Variants in PIP4K2A observed in about 807,000 individuals in gnomAD.
PIP4K2A encodes the protein phosphatidylinositol-5-phosphate 4-kinase type 2 alpha.
PIP4K2A carries 14 observed loss-of-function variants against 42.9 expected under a neutral mutation model. The ratio of observed to expected loss-of-function variants is 0.33; its 90% CI spans 0.22 to 0.51. The LOEUF (loss-of-function observed/expected upper bound fraction) is 0.51, where lower values mean the gene tolerates loss of function less well. Among genes scored for constraint, PIP4K2A ranks in the 20% least tolerant of loss-of-function variants. The pLI, the probability that PIP4K2A is intolerant of heterozygous loss-of-function variation, is 0.97. For missense variants in PIP4K2A, 434 were observed against 519.8 expected (o/e 0.83, Z 1.61); for synonymous variants, 192 against 192.2 (o/e 1.00, Z 0.01).
At chr10:22,559,161 C>T (rs1478480152) in intron 6 of PIP4K2A, among the ~76,000 whole-genome samples, 1 of 152,142 alleles carries the variant, frequency 6.6e-6, no homozygotes, top group Non-Finnish European at 1.5e-5. Context: ...TTTGCTAACT[C>T]CTCTAGATCT....
intron 1 of PIP4K2A, among the ~76,000 whole-genome samples, chr10:22,707,043 G>A (rs1361380668): frequency 6.6e-6 from 1 of 152,076 alleles, no homozygotes. Flanking sequence ...AGCACTTTGG[G>A]AGGCTGAGGT....
intron 1 of PIP4K2A, among the ~76,000 whole-genome samples, chr10:22,632,333 C>T (rs1027061638): frequency 6.6e-6 from 1 of 152,080 alleles, no homozygotes. Flanking sequence ...GGGTGAAGGC[C>T]ATATGGGAGT....
chr10:22,617,025 T>C (rs1838190342), intron 1 of PIP4K2A, among the ~76,000 whole-genome samples: 1 of 152,190 alleles, frequency 6.6e-6, no homozygotes, highest in African/African-American at 2.4e-5. Flanking sequence ...CAAAACACAG[T>C]AACATTTATG....
chr10:22,547,669 A>T (rs1836290961), intron 7 of PIP4K2A, among the ~76,000 whole-genome samples: 1 of 152,356 alleles, frequency 6.6e-6, no homozygotes, highest in African/African-American at 2.4e-5. Context: ...TGGATGCCAC[A>T]GAGGGAGAAC....
intron 4 of PIP4K2A, among the ~76,000 whole-genome samples, chr10:22,590,282 G>C (rs1837482221): frequency 6.6e-6 from 1 of 152,228 alleles, no homozygotes; most frequent in African/African-American, 2.4e-5. Flanking sequence ...GCAACAATGT[G>C]TGTATGTGTT....
intron 1 of PIP4K2A, among the ~76,000 whole-genome samples, chr10:22,690,495 A>G (rs1034107213): frequency 6.6e-6 from 1 of 152,236 alleles, no homozygotes; most frequent in Non-Finnish European, 1.5e-5. Context: ...GAAATACTAA[A>G]TAAAATTTTG....
At chr10:22,641,360 C>G (rs1838779787) in intron 1 of PIP4K2A, among the ~76,000 whole-genome samples, 1 of 152,238 alleles carries the variant, frequency 6.6e-6, no homozygotes, top group African/African-American at 2.4e-5. Flanking sequence ...TCTACATTAA[C>G]ACGCTGACAT....
intron 6 of PIP4K2A, among the ~76,000 whole-genome samples, chr10:22,557,091 G>T (rs918974228): frequency 2.6e-5 from 4 of 152,178 alleles, no homozygotes; most frequent in Non-Finnish European, 5.9e-5. Context: ...ACGCCCTAGG[G>T]TTCAATACAA....
chr10:22,653,597 T>C (rs540593502), intron 1 of PIP4K2A, among the ~76,000 whole-genome samples: 2 of 152,328 alleles, frequency 1.3e-5, no homozygotes, highest in Admixed American at 6.5e-5. Context: ...AATTGCTCAG[T>C]CCATCCTACG....
intron 1 of PIP4K2A, among the ~76,000 whole-genome samples, chr10:22,624,623 CCAAATT>C (rs1838397382): frequency 1.3e-5 from 2 of 152,068 alleles, no homozygotes; most frequent in African/African-American, 4.8e-5. Context: ...AACATGTGTT[CCAAATT>C]CATGGACCTT....
intron 1 of PIP4K2A, among the ~76,000 whole-genome samples, chr10:22,686,059 C>G (rs142834672): frequency 6.6e-6 from 1 of 152,312 alleles, no homozygotes; most frequent in East Asian, 1.9e-4. Context: ...AAGATTGCTG[C>G]AAACTTCCGA....
intron 1 of PIP4K2A, among the ~76,000 whole-genome samples, chr10:22,679,974 T>C (rs1307940896): frequency 6.6e-6 from 1 of 152,034 alleles, no homozygotes; most frequent in African/African-American, 2.4e-5. Flanking sequence ...AAATAGTATA[T>C]AAAAATATAT....
At chr10:22,607,396 G>A (rs1206302598) in intron 3 of PIP4K2A, among the ~76,000 whole-genome samples, 1 of 152,206 alleles carries the variant, frequency 6.6e-6, no homozygotes, top group African/African-American at 2.4e-5. Flanking sequence ...AGGATGTTGG[G>A]TTCCTGGTGC....
chr10:22,664,064 T>TATATATATATACATATATATATAC (rs1564459758), intron 1 of PIP4K2A, among the ~76,000 whole-genome samples: 2 of 77,802 alleles, frequency 2.6e-5, no homozygotes, highest in African/African-American at 2.1e-4. Flanking sequence ...TATATATACA[T>TATATATATATACATATATATATAC]ATATATATAT....
intron 6 of PIP4K2A, among the ~76,000 whole-genome samples, chr10:22,564,832 C>T (rs559867938): frequency 9.2e-5 from 14 of 152,350 alleles, no homozygotes; most frequent in Middle Eastern, 3.4e-3. Flanking sequence ...TCGCCCTCAC[C>T]GACCAGGTCC....
chr10:22,630,719 CAACAGCAG>C (rs2130769964), intron 1 of PIP4K2A, among the ~76,000 whole-genome samples: 1 of 152,314 alleles, frequency 6.6e-6, no homozygotes, highest in African/African-American at 2.4e-5. Context: ...AAAACTTGAG[CAACAGCAG>C]AATTCATATT....
At chr10:22,580,933 T>C (rs546319772) in intron 4 of PIP4K2A, among the ~76,000 whole-genome samples, 1 of 152,266 alleles carries the variant, frequency 6.6e-6, no homozygotes, top group African/African-American at 2.4e-5. Flanking sequence ...CTTTGTAGAA[T>C]GGATGAGTCT....
At chr10:22,681,631 C>T (rs542696410) in intron 1 of PIP4K2A, among the ~76,000 whole-genome samples, 36 of 151,882 alleles carry the variant, frequency 2.4e-4, no homozygotes, top group African/African-American at 8.0e-4. Context: ...GCCATGATGG[C>T]GCCACTGTAC....
intron 5 of PIP4K2A, among the ~76,000 whole-genome samples, chr10:22,569,974 C>T (rs1358448370): frequency 6.6e-6 from 1 of 151,944 alleles, no homozygotes; most frequent in Non-Finnish European, 1.5e-5. Context: ...GTGAAAAAAG[C>T]AAGGCAAATT....
Sources: allele counts gnomAD v4.1 joint callset (sites outside exome capture counted in the v4.1 genomes callset), GRCh38; gene constraint gnomAD v4.1.1; transcripts MANE v1.5; gene names NCBI Gene and HGNC (gene_info 2026-07-23, HGNC 2026-07-21).